POLR2F: variants seen among roughly 807,000 people sequenced by gnomAD.
The protein encoded by POLR2F is RNA polymerase II, I and III subunit F, also known as DNA-directed RNA polymerases I, II, and III subunit RPABC2.
Under a neutral mutation model 22.7 loss-of-function variants are expected in POLR2F, and 12 were observed. The ratio of observed to expected loss-of-function variants is 0.53; its 90% confidence interval spans 0.34 to 0.86. The LOEUF (loss-of-function observed/expected upper bound fraction) is 0.86. Ranked by LOEUF, POLR2F falls within the 40% of genes least tolerant of loss-of-function variation. POLR2F has a pLI of 0.02. For missense variants in POLR2F, 126 were observed against 171.5 expected, an observed-to-expected ratio of 0.73 and a Z score of 1.48; for synonymous variants, 57 against 66.0, an observed-to-expected ratio of 0.86 and a Z score of 0.66.
chr22:38,004,576 C>T (rs755335454), intron 1 of POLR2F, among the ~76,000 whole-genome samples: 53 of 152,150 alleles, frequency 3.5e-4, no homozygotes, highest in Admixed American at 1.8e-3. Context: ...CCATACATGC[C>T]CTGAAGTTAA....
At chr22:37,993,235 T>C (rs1932755634) in intron 1 of POLR2F, among the ~76,000 whole-genome samples, 1 of 152,082 alleles carries the variant, frequency 6.6e-6, no homozygotes, top group Non-Finnish European at 1.5e-5. Flanking sequence ...GCTGGCAGCT[T>C]AGGGGAAGGG....
chr22:38,025,558 T>C, intron 1 of POLR2F: 2 of 1,481,708 alleles, frequency 1.3e-6, no homozygotes, highest in East Asian at 2.3e-5. Flanking sequence ...CACGCCCTTC[T>C]CCCATCTCTC....
At chr22:37,983,854 G>A, upstream of POLR2F, 1 of 1,287,240 alleles carries the variant, frequency 7.8e-7, no homozygotes, top group Non-Finnish European at 1.0e-6. This position sits in a 1 kb window ranked among gnomAD's most constrained non-coding sequence, Gnocchi z 9.5. Context: ...TCCTCGCAAA[G>A]AGTCCAACGC....
intron 1 of POLR2F, among the ~76,000 whole-genome samples, chr22:38,022,125 T>C (rs545989854): frequency 3.2e-5 from 3 of 93,408 alleles, no homozygotes; most frequent in South Asian, 7.2e-4. Context: ...AGGGATACTG[T>C]CTCAAAAAAA....
chr22:37,973,586 G>T, downstream of POLR2F: 1 of 1,612,958 alleles, frequency 6.2e-7, no homozygotes, highest in Non-Finnish European at 8.5e-7. Flanking sequence ...AGAGATGGCC[G>T]TGTAGAGGGG....
chr22:38,023,931 T>G (rs1445695346), intron 1 of POLR2F, among the ~76,000 whole-genome samples: 1 of 149,054 alleles, frequency 6.7e-6, no homozygotes, highest in African/African-American at 2.5e-5. Flanking sequence ...AACCTCCTCC[T>G]CCTGGGTTCC....
chr22:38,025,922 C>T (rs1377004649), exon 2 of POLR2F: 6 of 714,660 alleles, frequency 8.4e-6, no homozygotes, highest in South Asian at 2.7e-5. Flanking sequence ...GACTCAGGAG[C>T]GCTCAACAGA....
At position 37,969,115 on chromosome 22, in the gene POLR2F, A is replaced by G; in HGVS notation, c.*1400A>G. 1 of 985,318 alleles carries G rather than the reference A, an allele frequency of 1.0e-6. No individual in the cohort carries two copies. Among genetic ancestry groups the G allele is most frequent in the Non-Finnish European group, 1.2e-6 (1 of 829,888 alleles). The allele number at this position is 985,318 out of a possible 1,614,324, so 61.0% of individuals were successfully genotyped here. The stretch of plus-strand genomic sequence containing the variant: ...GCTGCTCAGTATCAGATGTGATTAA[A>G]GGGAGATGGGGTTTGGGCTGGGGAG... On this transcript the variant is annotated 3_prime_UTR_variant, in exon 5 of 5. Coordinates refer to ENST00000442738, the MANE Select transcript of POLR2F (RefSeq NM_021974.5).
intron 1 of POLR2F, among the ~76,000 whole-genome samples, chr22:37,956,091 G>T (rs1013131458): frequency 6.7e-6 from 1 of 148,190 alleles, no homozygotes; most frequent in African/African-American, 2.6e-5. Flanking sequence ...GTTTTGCGGT[G>T]GCGGGGGGGG....
At chr22:38,004,937 T>G (rs1302109087) in intron 1 of POLR2F, among the ~76,000 whole-genome samples, 1 of 151,568 alleles carries the variant, frequency 6.6e-6, no homozygotes, top group African/African-American at 2.4e-5. Flanking sequence ...AGAGTGAAAC[T>G]CCGTCTCAAA....
intron 3 of POLR2F, 123 bp downstream of exon 3, chr22:37,959,599 G>A: frequency 8.9e-7 from 1 of 1,119,650 alleles, no homozygotes; most frequent in Non-Finnish European, 1.3e-6. Context: ...CAAAAGTGGT[G>A]CCGTCCCTGC....
intron 5 of POLR2F, among the ~76,000 whole-genome samples, chr22:38,035,963 C>T (rs1223726578): frequency 6.8e-6 from 1 of 147,776 alleles, no homozygotes; most frequent in Admixed American, 6.9e-5. Flanking sequence ...AGGTGAGGCA[C>T]TGAGCCCCTG....
At chr22:37,971,124 A>G (rs1437692413), downstream of POLR2F, 1 of 409,200 alleles carries the variant, frequency 2.4e-6, no homozygotes, top group African/African-American at 2.1e-5. Context: ...GAGGATGCCC[A>G]GTCTGGAGCA....
downstream of POLR2F, chr22:37,972,352 C>A (rs1932085702): frequency 3.0e-6 from 2 of 674,860 alleles, no homozygotes; most frequent in Non-Finnish European, 4.8e-6. Context: ...ATGCTTAATG[C>A]AGAGTTAATA....
rs57426161 is a variant in POLR2F at position 38,003,577 on chromosome 22, AT to A, written c.120+17278del. 6.1e-3 allele frequency among the ~76,000 whole-genome samples: 839 copies of A among 136,984 alleles called. 8 individuals carry two copies. Among genetic ancestry groups the A allele is most frequent in the African/African-American group, 0.019 (690 of 37,228 alleles). 89.9% of individuals were successfully genotyped at this position (136,984 alleles called of 152,430 possible). On this transcript the variant is annotated intron_variant, in intron 1 of 2. Coordinates refer to the POLR2F transcript ENST00000333418. ...AGAGTGGTGGTGACACAGTCAGCCT[AT>A]TTTTTTTTTTTTCTTTTTGAGACGG...
intron 5 of POLR2F, chr22:38,032,987 C>T (rs1411308062): frequency 1.2e-5 from 2 of 165,760 alleles, no homozygotes; most frequent in African/African-American, 5.0e-5. Flanking sequence ...TTCATGTCCC[C>T]CACATGGAGC....
chr22:38,019,177 A>C (rs1224112836), intron 1 of POLR2F, among the ~76,000 whole-genome samples: 2 of 151,266 alleles, frequency 1.3e-5, no homozygotes, highest in Non-Finnish European at 3.0e-5. Context: ...AGTGATGGGG[A>C]CTTGACACAT....
intron 1 of POLR2F, among the ~76,000 whole-genome samples, chr22:38,014,377 T>C (rs1168815376): frequency 6.7e-6 from 1 of 150,076 alleles, no homozygotes; most frequent in Non-Finnish European, 1.5e-5. Flanking sequence ...TGAGACAGAG[T>C]CTCCCTCTTT....
rs12628846 is a variant in POLR2F, at chr22:37,986,684, G to A, written c.120+372G>A. The A allele has an allele frequency of 9.5e-4, 509 of 537,822 alleles. 5 individuals carry two copies. In the East Asian group the frequency reaches 0.018, roughly 19 times the overall value. 33.3% of individuals were successfully genotyped at this position (537,822 alleles called of 1,614,324 possible). A position where few individuals can be genotyped will look rare whatever the true frequency, so the allele number is the denominator to read the frequency against. On this transcript the variant is annotated intron_variant, in intron 1 of 2. Transcript: ENST00000333418. The surrounding 1 kb of genome is among the most constrained non-coding windows in gnomAD (Gnocchi z 4.7). ...TGGGCTTTTTGCTGAGCAGTGTTGG[G>A]TGAGGCAGGTGGGCCTGCAGGGCGG...
Sources: gnomAD v4.1 joint callset for allele counts (sites outside exome capture counted in the v4.1 genomes callset) on GRCh38, gnomAD v4.1.1 for gene constraint, Gnocchi (gnomAD v3.1) non-coding constraint, MANE v1.5 for transcripts, NCBI Gene and HGNC (gene_info 2026-07-23, HGNC 2026-07-21) for gene names.